The following NTNG1 variants were observed in gnomAD, a reference collection of about 807,000 sequenced individuals.
The protein encoded by NTNG1 is netrin-G1.
NTNG1 carries 16 observed loss-of-function variants against 54.0 expected under a neutral mutation model. That is an observed-to-expected ratio of 0.30 (90% CI 0.20 to 0.45). The LOEUF is 0.45. Ranked by LOEUF, NTNG1 falls within the 20% of genes least tolerant of loss-of-function variation. The pLI is 1.00. For missense variants in NTNG1, 530 were observed against 678.7 expected (o/e 0.78, Z 2.43); for synonymous variants, 255 against 263.1 (o/e 0.97, Z 0.30).
chr1:107,389,830 G>A (rs143938044), intron 3 of NTNG1, among the ~76,000 whole-genome samples: 3 of 152,122 alleles, frequency 2.0e-5, no homozygotes, highest in African/African-American at 7.2e-5. Context: ...GAGCCTTTTC[G>A]GTCTCCACTT....
At chr1:107,158,026 C>T (rs779822983) in intron 2 of NTNG1, among the ~76,000 whole-genome samples, 13 of 152,120 alleles carry the variant, frequency 8.5e-5, no homozygotes, top group Non-Finnish European at 1.9e-4. Context: ...TGAGTGCCTG[C>T]TTCTGTCTTT....
intron 2 of NTNG1, among the ~76,000 whole-genome samples, chr1:107,260,055 C>A (rs1044737263): frequency 6.6e-6 from 1 of 152,114 alleles, no homozygotes; most frequent in South Asian, 2.1e-4. Context: ...TAAAATATGA[C>A]TCTGGAATGC....
chr1:107,161,520 G>A (rs1655393548), intron 2 of NTNG1, among the ~76,000 whole-genome samples: 1 of 151,992 alleles, frequency 6.6e-6, no homozygotes, highest in African/African-American at 2.4e-5. Context: ...AATTGGCCAG[G>A]TGTAATGGTG....
chr1:107,292,388 G>C (rs1272423173), intron 2 of NTNG1, among the ~76,000 whole-genome samples: 1 of 152,070 alleles, frequency 6.6e-6, no homozygotes, highest in Non-Finnish European at 1.5e-5. Context: ...TAGGTAGCTC[G>C]TCAGACATGA....
intron 7 of NTNG1, among the ~76,000 whole-genome samples, chr1:107,459,994 CT>C (rs1229136769): frequency 1.3e-5 from 2 of 151,940 alleles, no homozygotes; most frequent in African/African-American, 2.4e-5. Flanking sequence ...TTGTGGCTCT[CT>C]TTTTTTTCGC....
Position 107,484,045 on chromosome 1 carries a change from C to T in NTNG1, c.*3205C>T, listed in dbSNP as rs1262091816. Among the ~76,000 whole-genome samples, 1 of 152,202 alleles carries T rather than the reference C, an allele frequency of 6.6e-6. No individual in the cohort carries two copies. Among genetic ancestry groups the T allele is most frequent in the Non-Finnish European group, 1.5e-5 (1 of 68,038 alleles). ...TTCCTACTCAGATAACCGCCCCCCACACGCACACTTTTAGGCCAAATGTAG... is the reference window on the plus strand; with the variant it reads ...TTCCTACTCAGATAACCGCCCCCCATACGCACACTTTTAGGCCAAATGTAG... On this transcript the variant is annotated 3_prime_UTR_variant, in exon 8 of 8. Coordinates refer to ENST00000370068, the MANE Select transcript of NTNG1 (RefSeq NM_001113226.3).
chr1:107,419,044 A>C (rs944498319), intron 5 of NTNG1, among the ~76,000 whole-genome samples: 1 of 152,014 alleles, frequency 6.6e-6, no homozygotes, highest in African/African-American at 2.4e-5. Context: ...CTGGGTAAAT[A>C]CATAGAGGTA....
rs375229369 is a variant in NTNG1, at chr1:107,476,020, A to G, written c.1391-4591A>G. ...TTTCAATCCTTTTTCCAATTATTCA[A>G]GAACCCCTTATGACAGAGTCAATCA... On this transcript the variant is annotated intron_variant, in intron 7 of 7. Transcript: ENST00000370068. 2.6e-5 allele frequency among the ~76,000 whole-genome samples: 4 copies of G among 152,336 alleles called. 1 individual carries two copies. Among genetic ancestry groups the G allele is most frequent in the African/African-American group, 9.6e-5 (4 of 41,574 alleles).
intron 2 of NTNG1, among the ~76,000 whole-genome samples, chr1:107,202,902 A>G (rs1658867436): frequency 6.6e-6 from 1 of 151,878 alleles, no homozygotes; most frequent in Non-Finnish European, 1.5e-5. Context: ...AGAGTATGTA[A>G]TATTTTGAGA....
At chr1:107,191,284 T>A (rs1657903526) in intron 2 of NTNG1, among the ~76,000 whole-genome samples, 1 of 152,172 alleles carries the variant, frequency 6.6e-6, no homozygotes, top group South Asian at 2.1e-4. Flanking sequence ...GTTTGTTTTT[T>A]TCTTGTAAAT....
At chr1:107,462,203 T>C (rs1677321353) in intron 7 of NTNG1, among the ~76,000 whole-genome samples, 1 of 152,228 alleles carries the variant, frequency 6.6e-6, no homozygotes, top group South Asian at 2.1e-4. Context: ...TCCTACCAGT[T>C]TCTGTTTCGT....
intron 3 of NTNG1, among the ~76,000 whole-genome samples, chr1:107,351,571 T>A (rs1669602410): frequency 6.6e-6 from 1 of 152,120 alleles, no homozygotes; most frequent in Non-Finnish European, 1.5e-5. Context: ...TCCAATCACT[T>A]CCCACCAGGC....
At chr1:107,191,356 A>C (rs1353500481) in intron 2 of NTNG1, among the ~76,000 whole-genome samples, 1 of 151,834 alleles carries the variant, frequency 6.6e-6, no homozygotes, top group African/African-American at 2.4e-5. Context: ...GGTTGCAAAA[A>C]TTTTCTCCCA....
At chr1:107,185,267 G>A (rs765166676) in intron 2 of NTNG1, among the ~76,000 whole-genome samples, 9 of 152,152 alleles carry the variant, frequency 5.9e-5, no homozygotes, top group Non-Finnish European at 1.3e-4. Context: ...GAGGCCAGAC[G>A]TCTGAAATCA....
intron 3 of NTNG1, among the ~76,000 whole-genome samples, chr1:107,333,659 TTGTGTGTGTGTGTGTGTTTAAACTA>T (rs1178589632): frequency 1.4e-4 from 21 of 150,612 alleles, no homozygotes; most frequent in Admixed American, 5.3e-4. Flanking sequence ...ATGTGTGTGT[TTGTGTGTGTGTGTGTGTTTAAACTA>T]TTTGCAGTGC....
intron 2 of NTNG1, among the ~76,000 whole-genome samples, chr1:107,158,818 G>A (rs1655194586): frequency 6.6e-6 from 1 of 152,142 alleles, no homozygotes; most frequent in South Asian, 2.1e-4. Context: ...CTGCCGAGAA[G>A]TTAAAAGACT....
chr1:107,444,726 A>G (rs1324845483), intron 7 of NTNG1, among the ~76,000 whole-genome samples: 1 of 152,162 alleles, frequency 6.6e-6, no homozygotes, highest in Non-Finnish European at 1.5e-5. Flanking sequence ...CTGAAGCTTA[A>G]CAGTGAAAGG....
At chr1:107,454,080 A>T (rs1676786338) in intron 7 of NTNG1, among the ~76,000 whole-genome samples, 1 of 152,158 alleles carries the variant, frequency 6.6e-6, no homozygotes, top group Non-Finnish European at 1.5e-5. Flanking sequence ...ATTGGACCAC[A>T]GCCCAGCTAC....
intron 3 of NTNG1, among the ~76,000 whole-genome samples, chr1:107,330,139 T>C (rs968123787): frequency 1.4e-4 from 22 of 152,060 alleles, no homozygotes; most frequent in Non-Finnish European, 3.1e-4. Flanking sequence ...GTTAAGGAAC[T>C]CCAAGCAGTA....
Sources: gnomAD v4.1 joint callset for allele counts (sites outside exome capture counted in the v4.1 genomes callset) on GRCh38, gnomAD v4.1.1 for gene constraint, MANE v1.5 for transcripts, NCBI Gene and HGNC (gene_info 2026-07-23, HGNC 2026-07-21) for gene names.